The following MYO3B variants were observed in gnomAD, a reference collection of about 807,000 sequenced individuals.
MYO3B encodes the protein myosin IIIB.
In MYO3B, 156 loss-of-function variants were observed where a neutral mutation model predicts 174.6. That is an observed-to-expected ratio of 0.89 (90% confidence interval 0.78 to 1.02). MYO3B has a LOEUF of 1.02. Ranked by LOEUF, MYO3B falls within the 50% of genes least tolerant of loss-of-function variation. MYO3B has a pLI of 0.00. For missense variants in MYO3B, 1,632 were observed against 1,639.4 expected, an observed-to-expected ratio of 1.00 and a Z score of 0.08; for synonymous variants, 563 against 569.1, an observed-to-expected ratio of 0.99 and a Z score of 0.15.
chr2:170,247,615 C>T (rs1014590786), intron 7 of MYO3B, among the ~76,000 whole-genome samples: 1 of 152,158 alleles, frequency 6.6e-6, no homozygotes, highest in Non-Finnish European at 1.5e-5. Flanking sequence ...ACTTGTTTCT[C>T]ACAGTCCTGG....
rs1341496939 is a variant in MYO3B at position 170,206,025 on chromosome 2, G to T, written c.321+5741G>T. On this transcript the variant is annotated intron_variant, in intron 3 of 34. Coordinates refer to ENST00000408978, the MANE Select transcript of MYO3B (RefSeq NM_138995.5). The surrounding 1 kb of genome is among the most constrained non-coding windows in gnomAD (Gnocchi z 4.3). Reference sequence around the variant, plus strand: ...TAGCAGGGCATACCTGTCATTCCCTGTCATTGGCCTTCCTCCTCCATCTCC... The same window carrying T: ...TAGCAGGGCATACCTGTCATTCCCTTTCATTGGCCTTCCTCCTCCATCTCC... 6.6e-6 allele frequency among the ~76,000 whole-genome samples: 1 copy of T among 152,066 alleles called. No individual in the cohort carries two copies. The highest frequency in any genetic ancestry group is 1.5e-5 in the Non-Finnish European group (1 of 68,008).
At chr2:170,559,380 C>T (rs1691560031) in intron 32 of MYO3B, among the ~76,000 whole-genome samples, 1 of 152,184 alleles carries the variant, frequency 6.6e-6, no homozygotes, top group African/African-American at 2.4e-5. Context: ...AAGTCTATTA[C>T]ATTATATCCA....
Position 170,629,006 on chromosome 2 carries a change from C to T in MYO3B, c.3734-22622C>T, listed in dbSNP as rs569788967. Among the ~76,000 whole-genome samples the T allele has an allele frequency of 1.6e-4, 25 of 152,250 alleles. No individual in the cohort carries two copies. In the South Asian group the frequency reaches 3.7e-3, roughly 23 times the overall value. On this transcript the variant is annotated intron_variant, in intron 32 of 34. Transcript: ENST00000408978. ...TGAGAACAGTGAGAAAAGTCAAAAT[C>T]AGAGTGAGCCCAACCGAAGAACGTT...
At chr2:170,351,895 G>A (rs1158435469) in intron 8 of MYO3B, among the ~76,000 whole-genome samples, 1 of 152,328 alleles carries the variant, frequency 6.6e-6, no homozygotes, top group South Asian at 2.1e-4. Context: ...TACAGTTGGG[G>A]CAGGGACAGC....
intron 23 of MYO3B, among the ~76,000 whole-genome samples, chr2:170,452,398 A>G (rs1683648193): frequency 6.6e-6 from 1 of 152,192 alleles, no homozygotes; most frequent in Non-Finnish European, 1.5e-5. Context: ...CATCAAGAGC[A>G]ACAAAAAGAC....
At chr2:170,186,048 TC>T (rs1436119544) in intron 1 of MYO3B, among the ~76,000 whole-genome samples, 1 of 152,174 alleles carries the variant, frequency 6.6e-6, no homozygotes, top group Non-Finnish European at 1.5e-5. Flanking sequence ...TTTTGGTTTT[TC>T]CAAATATAAG....
chr2:170,636,564 C>G (rs1436796478), intron 32 of MYO3B, among the ~76,000 whole-genome samples: 1 of 152,024 alleles, frequency 6.6e-6, no homozygotes, highest in Admixed American at 6.6e-5. Context: ...TAACCCCTCT[C>G]TGCTGGGTCC....
intron 30 of MYO3B, among the ~76,000 whole-genome samples, chr2:170,526,563 A>C (rs1689014934): frequency 1.3e-5 from 2 of 152,178 alleles, no homozygotes. Flanking sequence ...TCTGAGATTG[A>C]CTTTGGGTTC....
At chr2:170,487,436 C>A (rs1260345476) in intron 25 of MYO3B, among the ~76,000 whole-genome samples, 1 of 152,152 alleles carries the variant, frequency 6.6e-6, no homozygotes, top group African/African-American at 2.4e-5. Context: ...CTGCCCATGC[C>A]TGATACATCA....
intron 21 of MYO3B, among the ~76,000 whole-genome samples, chr2:170,407,071 T>C (rs962943871): frequency 6.6e-6 from 1 of 152,214 alleles, no homozygotes; most frequent in Non-Finnish European, 1.5e-5. Flanking sequence ...GAGATAATAA[T>C]AGTGTTTACC....
At chr2:170,359,675 C>T (rs75051691) in intron 8 of MYO3B, among the ~76,000 whole-genome samples, 1,588 of 152,318 alleles carry the variant, frequency 0.01, 30 homozygotes, top group African/African-American at 0.036. Context: ...CTTGGAATGC[C>T]TCTTGCCTGC....
At chr2:170,641,642 C>T (rs1559192028) in intron 32 of MYO3B, among the ~76,000 whole-genome samples, 1 of 152,030 alleles carries the variant, frequency 6.6e-6, no homozygotes, top group African/African-American at 2.4e-5. Flanking sequence ...ACCATTTAAG[C>T]TATCTCTGGA....
intron 7 of MYO3B, among the ~76,000 whole-genome samples, chr2:170,322,023 A>T (rs192136433): frequency 1.2e-3 from 184 of 150,988 alleles, no homozygotes; most frequent in African/African-American, 4.3e-3. Context: ...CTGAGGCAGG[A>T]GAATTGCTTG....
At chr2:170,498,734 C>T (rs778212722) in intron 26 of MYO3B, 31 bp downstream of exon 26, 18 of 1,396,828 alleles carry the variant, frequency 1.3e-5, no homozygotes, top group African/African-American at 9.9e-5. Flanking sequence ...CAAATTGTCC[C>T]GTATGATTTC....
At chr2:170,580,724 G>A (rs200954107) in intron 32 of MYO3B, among the ~76,000 whole-genome samples, 5,175 of 72,350 alleles carry the variant, frequency 0.072, 118 homozygotes, top group East Asian at 0.16. Flanking sequence ...ATATATGTGT[G>A]TGTGTGTGTG....
chr2:170,505,992 C>T (rs999690112), intron 28 of MYO3B, among the ~76,000 whole-genome samples: 8 of 152,270 alleles, frequency 5.3e-5, no homozygotes, highest in African/African-American at 1.9e-4. Context: ...GCCAAAAACA[C>T]AGATGTTATC....
At chr2:170,532,292 C>T (rs2106174659) in intron 30 of MYO3B, among the ~76,000 whole-genome samples, 1 of 152,270 alleles carries the variant, frequency 6.6e-6, no homozygotes, top group African/African-American at 2.4e-5. Context: ...GAAACTATTC[C>T]AGATGAAAGG....
intron 7 of MYO3B, among the ~76,000 whole-genome samples, chr2:170,293,439 C>T (rs1274832588): frequency 6.6e-6 from 1 of 152,184 alleles, no homozygotes; most frequent in African/African-American, 2.4e-5. Context: ...ATCTGTCTCA[C>T]TTCCCACTTT....
chr2:170,371,671 G>A (rs2094245791), intron 9 of MYO3B, among the ~76,000 whole-genome samples: 1 of 143,302 alleles, frequency 7.0e-6, no homozygotes, highest in Non-Finnish European at 1.5e-5. Flanking sequence ...TTAAAGCTGT[G>A]GTTTTTCAAG....
Sources: gnomAD v4.1 joint callset for allele counts (sites outside exome capture counted in the v4.1 genomes callset) on GRCh38, gnomAD v4.1.1 for gene constraint, Gnocchi (gnomAD v3.1) non-coding constraint, MANE v1.5 for transcripts, NCBI Gene and HGNC (gene_info 2026-07-23, HGNC 2026-07-21) for gene names.